The following SYNPR variants were observed in gnomAD, a reference collection of about 807,000 sequenced individuals.
SYNPR encodes synaptoporin.
SYNPR carries 23 observed loss-of-function variants against 32.9 expected under a neutral mutation model. The observed-to-expected ratio is 0.70, with a 90% confidence interval of 0.50 to 0.99. The LOEUF (loss-of-function observed/expected upper bound fraction) is 0.99. Among genes scored for constraint, SYNPR ranks in the 50% least tolerant of loss-of-function variants. SYNPR has a pLI of 0.00. For synonymous variants in SYNPR, 146 were observed against 135.9 expected, an observed-to-expected ratio of 1.07 and a Z score of -0.52; for missense variants, 318 against 349.3, an observed-to-expected ratio of 0.91 and a Z score of 0.71.
intron 4 of SYNPR, among the ~76,000 whole-genome samples, chr3:63,581,298 G>T (rs937368241): frequency 1.3e-5 from 2 of 152,264 alleles, no homozygotes; most frequent in East Asian, 3.9e-4. Flanking sequence ...GGGAAGGTTG[G>T]TGGAGGAGGG....
chr3:63,233,745 CT>C (rs60226714), intron 1 of SYNPR, among the ~76,000 whole-genome samples: 2,216 of 152,276 alleles, frequency 0.015, 51 homozygotes, highest in Non-Finnish European at 0.018. Flanking sequence ...TGTGTTTAGC[CT>C]ATTCCATCTC....
chr3:63,368,483 G>A (rs1003587917), intron 2 of SYNPR, among the ~76,000 whole-genome samples: 4 of 152,176 alleles, frequency 2.6e-5, no homozygotes, highest in Non-Finnish European at 5.9e-5. Context: ...ATTCAAGTCT[G>A]GAGATGTCAC....
At chr3:63,251,347 G>C (rs2086329591) in intron 1 of SYNPR, among the ~76,000 whole-genome samples, 1 of 152,146 alleles carries the variant, frequency 6.6e-6, no homozygotes, top group African/African-American at 2.4e-5. Context: ...CCTGGGTTGG[G>C]AGAAGAGGAG....
intron 2 of SYNPR, among the ~76,000 whole-genome samples, chr3:63,364,520 T>C (rs1476355478): frequency 6.6e-6 from 1 of 152,234 alleles, no homozygotes; most frequent in East Asian, 1.9e-4. Context: ...CAGTTATATC[T>C]GGATGCAAGT....
chr3:63,387,150 C>T (rs946833735), intron 2 of SYNPR, among the ~76,000 whole-genome samples: 6 of 152,252 alleles, frequency 3.9e-5, no homozygotes, highest in Non-Finnish European at 5.9e-5. Flanking sequence ...CTAGCTTGAT[C>T]GCCACAACAA....
intron 2 of SYNPR, among the ~76,000 whole-genome samples, chr3:63,451,602 G>C (rs75356240): frequency 0.13 from 20,267 of 151,964 alleles, 1,755 homozygotes; most frequent in East Asian, 0.31. Context: ...GGGCAGAGGC[G>C]GCAGGGACTT....
At chr3:63,588,250 G>A (rs1299211535) in intron 4 of SYNPR, among the ~76,000 whole-genome samples, 2 of 152,022 alleles carry the variant, frequency 1.3e-5, no homozygotes. Context: ...TTGTGAGGGG[G>A]TAGTTTTGTT....
chr3:63,370,443 A>G (rs1027037690), intron 2 of SYNPR, among the ~76,000 whole-genome samples: 6 of 152,338 alleles, frequency 3.9e-5, no homozygotes, highest in African/African-American at 1.4e-4. Flanking sequence ...TAGTGTGCCA[A>G]TAAAGAATCT....
At chr3:63,244,547 A>G (rs1330799219) in intron 1 of SYNPR, among the ~76,000 whole-genome samples, 2 of 151,984 alleles carry the variant, frequency 1.3e-5, no homozygotes, top group South Asian at 2.1e-4. Flanking sequence ...AACTCATCCA[A>G]CTGCCTGTGT....
intron 2 of SYNPR, among the ~76,000 whole-genome samples, chr3:63,407,342 G>A (rs1179629912): frequency 6.6e-6 from 1 of 152,178 alleles, no homozygotes; most frequent in East Asian, 1.9e-4. Context: ...AGGATTACAT[G>A]AGTTATGAAC....
chr3:63,319,547 C>T (rs1475082804), intron 2 of SYNPR, among the ~76,000 whole-genome samples: 1 of 151,776 alleles, frequency 6.6e-6, no homozygotes, highest in Admixed American at 6.6e-5. Flanking sequence ...AGATAAACTA[C>T]CTAGGAATAA....
At chr3:63,452,028 T>C (rs887218005) in intron 2 of SYNPR, 6 of 699,440 alleles carry the variant, frequency 8.6e-6, no homozygotes, top group Non-Finnish European at 1.6e-5. Context: ...ACCAGTTCCC[T>C]GATATAATTT....
intron 3 of SYNPR, among the ~76,000 whole-genome samples, chr3:63,530,470 C>T (rs190407582): frequency 4.9e-4 from 74 of 152,248 alleles, no homozygotes; most frequent in African/African-American, 1.8e-3. Context: ...ATAATAATAC[C>T]AGCCTCTCAG....
chr3:63,269,262 A>G (rs9845499), intron 3 of SYNPR, among the ~76,000 whole-genome samples: 97,206 of 152,014 alleles, frequency 0.64, 31,439 homozygotes, highest in Middle Eastern at 0.74. Flanking sequence ...GCCAAGGTGG[A>G]TGGATCACTA....
upstream of SYNPR, among the ~76,000 whole-genome samples, chr3:63,275,242 T>A (rs2086564111): frequency 6.6e-6 from 1 of 152,224 alleles, no homozygotes; most frequent in South Asian, 2.1e-4. Context: ...AATCTAGTTC[T>A]TTAGGGAACC....
intron 4 of SYNPR, among the ~76,000 whole-genome samples, chr3:63,596,443 C>T (rs1699960707): frequency 6.6e-6 from 1 of 151,798 alleles, no homozygotes; most frequent in African/African-American, 2.4e-5. Flanking sequence ...TACCAGCCAC[C>T]AGCCTGCCAT....
At chr3:63,288,187 C>A (rs1278199872) in intron 2 of SYNPR, among the ~76,000 whole-genome samples, 1 of 152,150 alleles carries the variant, frequency 6.6e-6, no homozygotes, top group Non-Finnish European at 1.5e-5. Context: ...AAATTGGTTG[C>A]CATAGATCAA....
chr3:63,401,041 GT>G (rs71709731), intron 2 of SYNPR, among the ~76,000 whole-genome samples: 31 of 140,888 alleles, frequency 2.2e-4, no homozygotes, highest in Middle Eastern at 3.6e-3. Flanking sequence ...CACAAAAAAG[GT>G]TTTTTTTTTT....
chr3:63,596,514 T>C (rs965737143), intron 4 of SYNPR, among the ~76,000 whole-genome samples: 9 of 152,064 alleles, frequency 5.9e-5, no homozygotes, highest in African/African-American at 2.2e-4. Context: ...ATGCAGCTCA[T>C]GCTTGGCAGG....
Sources: gnomAD v4.1 joint callset for allele counts (sites outside exome capture counted in the v4.1 genomes callset) on GRCh38, gnomAD v4.1.1 for gene constraint, MANE v1.5 for transcripts, NCBI Gene and HGNC (gene_info 2026-07-23, HGNC 2026-07-21) for gene names.